Variants in ANKS1B observed in about 807,000 individuals in gnomAD.
ANKS1B encodes ankyrin repeat and sterile alpha motif domain containing 1B.
Under a neutral mutation model 148.3 loss-of-function variants are expected in ANKS1B, and 36 were observed. That is an observed-to-expected ratio of 0.24 (90% CI 0.19 to 0.32). ANKS1B has a LOEUF of 0.32. Ranked by LOEUF, ANKS1B falls within the 10% of genes least tolerant of loss-of-function variation. The pLI is 1.00. For synonymous variants in ANKS1B, 542 were observed against 560.8 expected, an observed-to-expected ratio of 0.97 and a Z score of 0.47; for missense variants, 1,157 against 1,542.6, an observed-to-expected ratio of 0.75 and a Z score of 4.19.
At chr12:98,759,502 A>G (rs1228215155) in intron 25 of ANKS1B, among the ~76,000 whole-genome samples, 2 of 152,190 alleles carry the variant, frequency 1.3e-5, no homozygotes, top group Non-Finnish European at 2.9e-5. Flanking sequence ...TCATCGGTCT[A>G]GTATGAGAAA....
At chr12:99,780,087 T>C in intron 5 of ANKS1B, 115 bp from the exon 6 acceptor site, 2 of 754,952 alleles carry the variant, frequency 2.6e-6, no homozygotes, top group Non-Finnish European at 4.4e-6. Flanking sequence ...TTGAAAGTGA[T>C]TTTTAAAAAA....
chr12:99,949,422 A>G (rs2095156822), intron 1 of ANKS1B, among the ~76,000 whole-genome samples: 1 of 152,226 alleles, frequency 6.6e-6, no homozygotes, highest in Non-Finnish European at 1.5e-5. Context: ...TGGTGAGTAG[A>G]TCAAGTAGCA....
At chr12:98,961,200 C>T (rs562437325) in intron 17 of ANKS1B, among the ~76,000 whole-genome samples, 40 of 152,126 alleles carry the variant, frequency 2.6e-4, no homozygotes, top group Non-Finnish European at 4.9e-4. Context: ...TACCTCAAGA[C>T]GTTTAATAAT....
At chr12:99,783,985 CT>C (rs2064683404) in intron 4 of ANKS1B, among the ~76,000 whole-genome samples, 1 of 151,806 alleles carries the variant, frequency 6.6e-6, no homozygotes, top group Non-Finnish European at 1.5e-5. Flanking sequence ...CTCTGTACCC[CT>C]AAATATGTAC....
chr12:99,968,442 C>T (rs984754668), intron 1 of ANKS1B, among the ~76,000 whole-genome samples: 2 of 152,160 alleles, frequency 1.3e-5, no homozygotes, highest in Non-Finnish European at 2.9e-5. Context: ...CCTGTAGTCC[C>T]GGCTACTCGG....
chr12:99,853,236 G>A (rs1217811222), intron 1 of ANKS1B, among the ~76,000 whole-genome samples: 2 of 152,118 alleles, frequency 1.3e-5, no homozygotes, highest in African/African-American at 4.8e-5. Context: ...TGGAGCTGAT[G>A]CGCTCTTGAA....
intron 10 of ANKS1B, among the ~76,000 whole-genome samples, chr12:99,502,350 C>A (rs988473901): frequency 2.6e-5 from 4 of 152,094 alleles, no homozygotes; most frequent in Non-Finnish European, 5.9e-5. Flanking sequence ...TCTCCATGAC[C>A]GCTGTGGGTC....
At chr12:98,862,743 A>G (rs1372377518) in intron 17 of ANKS1B, among the ~76,000 whole-genome samples, 1 of 152,254 alleles carries the variant, frequency 6.6e-6, no homozygotes, top group African/African-American at 2.4e-5. Context: ...GTAGGAATCA[A>G]TAATGCACAT....
chr12:98,886,859 A>G (rs1371773685), intron 17 of ANKS1B, among the ~76,000 whole-genome samples: 1 of 152,232 alleles, frequency 6.6e-6, no homozygotes, highest in Non-Finnish European at 1.5e-5. Context: ...GTTCGACTAC[A>G]AAAGCAATAG....
chr12:98,849,688 A>G (rs2099511191), intron 17 of ANKS1B, among the ~76,000 whole-genome samples: 1 of 152,222 alleles, frequency 6.6e-6, no homozygotes, highest in Non-Finnish European at 1.5e-5. Flanking sequence ...TCTATTTTAA[A>G]ATCAGGTACA....
At chr12:98,986,288 G>T (rs1325244806) in intron 17 of ANKS1B, among the ~76,000 whole-genome samples, 1 of 150,910 alleles carries the variant, frequency 6.6e-6, no homozygotes, top group Non-Finnish European at 1.5e-5. Flanking sequence ...ACCTGTTCAG[G>T]CATTTCTTCT....
At chr12:99,209,754 C>A (rs906914867) in intron 14 of ANKS1B, among the ~76,000 whole-genome samples, 2 of 152,134 alleles carry the variant, frequency 1.3e-5, no homozygotes, top group Admixed American at 6.5e-5. Flanking sequence ...TCAAAAACTG[C>A]CTAAATCCAA....
At chr12:98,758,757 T>TTTCTC (rs1304984524) in intron 25 of ANKS1B, among the ~76,000 whole-genome samples, 3 of 149,594 alleles carry the variant, frequency 2.0e-5, no homozygotes, top group South Asian at 2.1e-4. Context: ...ATTTTTCTTT[T>TTTCTC]TTCTTTTCTT....
At chr12:98,843,740 G>A (rs1461794206) in intron 17 of ANKS1B, among the ~76,000 whole-genome samples, 1 of 152,196 alleles carries the variant, frequency 6.6e-6, no homozygotes, top group African/African-American at 2.4e-5. Context: ...GCATATTGAA[G>A]CAGTGAAACT....
chr12:98,956,851 C>T (rs1349916036), intron 17 of ANKS1B, among the ~76,000 whole-genome samples: 3 of 152,076 alleles, frequency 2.0e-5, no homozygotes, highest in African/African-American at 4.8e-5. Context: ...CTCTCTGAAC[C>T]CCCTGCCTTG....
intron 14 of ANKS1B, among the ~76,000 whole-genome samples, chr12:99,195,951 T>TA (rs2153890229): frequency 6.6e-6 from 1 of 152,194 alleles, no homozygotes; most frequent in East Asian, 1.9e-4. Flanking sequence ...TATGCAAAGA[T>TA]ACCTAAAGGA....
chr12:99,744,682 C>T (rs1474555662), intron 8 of ANKS1B, among the ~76,000 whole-genome samples: 2 of 152,094 alleles, frequency 1.3e-5, no homozygotes, highest in Admixed American at 6.6e-5. Flanking sequence ...GCGTTACAAA[C>T]AAAACAGTAA....
intron 17 of ANKS1B, among the ~76,000 whole-genome samples, chr12:99,044,906 A>T (rs1416842358): frequency 1.3e-5 from 2 of 152,188 alleles, no homozygotes; most frequent in African/African-American, 4.8e-5. Context: ...TTTAAGGTCA[A>T]CATACCGAGG....
chr12:99,809,805 C>G (rs902181120), intron 3 of ANKS1B, among the ~76,000 whole-genome samples: 2 of 151,926 alleles, frequency 1.3e-5, no homozygotes, highest in African/African-American at 4.8e-5. Flanking sequence ...GAATGAAGCC[C>G]TGACTATAAT....
Sources: allele counts gnomAD v4.1 joint callset (sites outside exome capture counted in the v4.1 genomes callset), GRCh38; gene constraint gnomAD v4.1.1; transcripts MANE v1.5; gene names NCBI Gene and HGNC (gene_info 2026-07-23, HGNC 2026-07-21).